Variants in UTRN observed in about 807,000 individuals in gnomAD.
The protein encoded by UTRN is dystrophin-related protein 1.
In UTRN, 283 loss-of-function variants were observed where a neutral mutation model predicts 463.9. That is an observed-to-expected ratio of 0.61 (90% CI 0.55 to 0.67). UTRN has a LOEUF of 0.67. UTRN is among the 30% of genes least tolerant of loss of function. The pLI is 0.00. For missense variants in UTRN, 3,922 were observed against 4,084.3 expected (o/e 0.96, Z 1.08); for synonymous variants, 1,442 against 1,431.5 (o/e 1.01, Z -0.17).
At chr6:144,825,885 T>G (rs2128755480) in intron 66 of UTRN, among the ~76,000 whole-genome samples, 1 of 151,592 alleles carries the variant, frequency 6.6e-6, no homozygotes, top group African/African-American at 2.4e-5. Context: ...CATATGTAAA[T>G]TAAGTTTACT....
chr6:144,440,289 G>C, intron 12 of UTRN, 63 bp from the exon 13 acceptor site: 1 of 1,563,272 alleles, frequency 6.4e-7, no homozygotes, highest in Non-Finnish European at 8.8e-7. Flanking sequence ...TGACAACTGA[G>C]TGCGTTTTAA....
intron 2 of UTRN, among the ~76,000 whole-genome samples, chr6:144,347,841 TTTTTTTTTG>T (rs905513077): frequency 1.4e-5 from 2 of 144,854 alleles, no homozygotes; most frequent in African/African-American, 5.7e-5. Flanking sequence ...TTCTTTGTTT[TTTTTTTTTG>T]TTTTTTTTTT....
intron 52 of UTRN, among the ~76,000 whole-genome samples, chr6:144,688,451 A>G (rs1218237639): frequency 6.6e-6 from 1 of 152,202 alleles, no homozygotes; most frequent in Non-Finnish European, 1.5e-5. Context: ...CTGTTTGGTC[A>G]TATTGCCAGA....
chr6:144,550,200 C>T (rs1261654843), intron 47 of UTRN, among the ~76,000 whole-genome samples: 2 of 152,094 alleles, frequency 1.3e-5, no homozygotes, highest in African/African-American at 4.8e-5. Flanking sequence ...GTATTCATTA[C>T]CATGTGCCCT....
At position 144,693,770 on chromosome 6, in the gene UTRN, T is replaced by C. The variant is rs372790952; in HGVS notation, c.7653-6317T>C. Among the ~76,000 whole-genome samples, 4 of 152,352 alleles carry C rather than the reference T, an allele frequency of 2.6e-5. No individual in the cohort carries two copies. The East Asian group carries it at 7.7e-4, about 29-fold the overall frequency. The stretch of plus-strand genomic sequence containing the variant: ...ATCCTGAGACGCTGCTGAAGTTGTT[T>C]ATTAGCTTAAGGAGCTTTTGGGCTG... On this transcript the variant is annotated intron_variant, in intron 52 of 74. Coordinates refer to ENST00000367545, the MANE Select transcript of UTRN (RefSeq NM_007124.3).
chr6:144,483,836 A>G (rs1214943831), intron 27 of UTRN, among the ~76,000 whole-genome samples: 1 of 152,222 alleles, frequency 6.6e-6, no homozygotes, highest in Non-Finnish European at 1.5e-5. Flanking sequence ...GGGTTGTACA[A>G]CACATACCCC....
intron 2 of UTRN, among the ~76,000 whole-genome samples, chr6:144,388,828 A>G (rs1781649419): frequency 6.6e-6 from 1 of 152,144 alleles, no homozygotes; most frequent in Non-Finnish European, 1.5e-5. Context: ...AATGCATGAA[A>G]ATATACTTTT....
intron 64 of UTRN, among the ~76,000 whole-genome samples, chr6:144,801,493 A>T (rs769813651): frequency 6.6e-6 from 1 of 152,174 alleles, no homozygotes; most frequent in Non-Finnish European, 1.5e-5. Flanking sequence ...TCTTAACTTC[A>T]TTCAGACTGT....
At chr6:144,426,542 A>G (rs764322554) in intron 7 of UTRN, 83 bp downstream of exon 7, 246 of 1,399,478 alleles carry the variant, frequency 1.8e-4, no homozygotes, top group Non-Finnish European at 2.2e-4. Context: ...TACTCCCTGA[A>G]GCCCCTTCTC....
At chr6:144,607,207 T>C (rs1202509494) in intron 51 of UTRN, among the ~76,000 whole-genome samples, 1 of 152,202 alleles carries the variant, frequency 6.6e-6, no homozygotes, top group Non-Finnish European at 1.5e-5. Flanking sequence ...ATTTTCTATG[T>C]ATGTCTTGTT....
At chr6:144,784,488 A>G (rs957395630) in intron 61 of UTRN, among the ~76,000 whole-genome samples, 2 of 152,170 alleles carry the variant, frequency 1.3e-5, no homozygotes, top group African/African-American at 4.8e-5. Context: ...GTCATATCAG[A>G]TTATGACCCA....
chr6:144,820,798 A>G, intron 65 of UTRN, 84 bp from the exon 66 acceptor site: 1 of 1,487,646 alleles, frequency 6.7e-7, no homozygotes, highest in Non-Finnish European at 9.0e-7. Context: ...TAATTGCATC[A>G]ATTTACATCG....
chr6:144,677,857 A>G (rs1781801092), intron 51 of UTRN, among the ~76,000 whole-genome samples: 1 of 152,124 alleles, frequency 6.6e-6, no homozygotes, highest in African/African-American at 2.4e-5. Flanking sequence ...ACCAGTGCTG[A>G]TGAGCTTTTT....
chr6:144,505,058 T>G lies in UTRN; in HGVS notation c.4764+5631T>G, dbSNP rs570720152. On this transcript the variant is annotated intron_variant, in intron 34 of 74. Transcript: ENST00000367545. Reference sequence around the variant, plus strand: ...TAGTTCATTTTTGTGGAGGTGCTTATAGTATCTTCTGATGGTAGTTTGTAT... The same window carrying G: ...TAGTTCATTTTTGTGGAGGTGCTTAGAGTATCTTCTGATGGTAGTTTGTAT... Among the ~76,000 whole-genome samples, 215 of 152,340 alleles carry G rather than the reference T, an allele frequency of 1.4e-3. 2 individuals carry two copies. The highest frequency in any genetic ancestry group is 4.9e-3 in the African/African-American group (202 of 41,584).
At chr6:144,443,914 A>G (rs1474816009) in intron 13 of UTRN, among the ~76,000 whole-genome samples, 1 of 152,304 alleles carries the variant, frequency 6.6e-6, no homozygotes, top group East Asian at 1.9e-4. Context: ...TAAAAATTTG[A>G]AAAATTTGAA....
chr6:144,708,832 C>G (rs1403308045), intron 53 of UTRN, among the ~76,000 whole-genome samples: 1 of 152,100 alleles, frequency 6.6e-6, no homozygotes, highest in African/African-American at 2.4e-5. Context: ...AGGCTGGGCT[C>G]ACAGTTCCAG....
intron 34 of UTRN, among the ~76,000 whole-genome samples, chr6:144,503,199 G>T (rs1314709393): frequency 2.6e-5 from 4 of 152,078 alleles, no homozygotes; most frequent in Non-Finnish European, 5.9e-5. Context: ...CAGTCTCTAG[G>T]TTGCCTGTTC....
chr6:144,527,206 A>G lies in UTRN; in HGVS notation c.5907-3846A>G, dbSNP rs1026090806. Among the ~76,000 whole-genome samples, 25 of 152,200 alleles carry G rather than the reference A, an allele frequency of 1.6e-4. 1 individual carries two copies. The highest frequency in any genetic ancestry group is 2.0e-4 in the Admixed American group (3 of 15,280). On this transcript the variant is annotated intron_variant, in intron 41 of 74. Transcript: ENST00000367545. ...TGTAGTGCTGGCTTAATAGCAGCAAATTCTCTCAGTATTTGTTTGAAAAAG... is the reference window on the plus strand; with the variant it reads ...TGTAGTGCTGGCTTAATAGCAGCAAGTTCTCTCAGTATTTGTTTGAAAAAG...
At chr6:144,718,308 TA>T (rs1442040065) in intron 53 of UTRN, among the ~76,000 whole-genome samples, 2 of 151,462 alleles carry the variant, frequency 1.3e-5, no homozygotes, top group African/African-American at 4.9e-5. Flanking sequence ...TGTCCCTATT[TA>T]AAAAAAAATT....
Sources: allele counts gnomAD v4.1 joint callset (sites outside exome capture counted in the v4.1 genomes callset), GRCh38; gene constraint gnomAD v4.1.1; transcripts MANE v1.5; gene names NCBI Gene and HGNC (gene_info 2026-07-23, HGNC 2026-07-21).